The following FUBP3 variants were observed in gnomAD, a reference collection of about 807,000 sequenced individuals.
FUBP3 encodes the protein far upstream element-binding protein 3.
Under a neutral mutation model 85.6 loss-of-function variants are expected in FUBP3, and 28 were observed. The observed-to-expected ratio is 0.33, with a 90% CI of 0.24 to 0.45. FUBP3 has a LOEUF of 0.45. FUBP3 is among the 20% of genes least tolerant of loss of function. FUBP3 has a pLI of 1.00. For synonymous variants in FUBP3, 271 were observed against 271.4 expected (o/e 1.00, Z 0.01); for missense variants, 583 against 755.1 (o/e 0.77, Z 2.67).
At chr9:130,600,565 G>A (rs985142646) in intron 2 of FUBP3, among the ~76,000 whole-genome samples, 3 of 151,894 alleles carry the variant, frequency 2.0e-5, no homozygotes, top group Non-Finnish European at 1.5e-5. Flanking sequence ...GGGCAGTCAT[G>A]GTTCACTGCA....
Position 130,579,649 on chromosome 9 carries a change from CGGCGGCGGCGGCGACGGCGGCGGG to C in FUBP3, c.-26_-3del, listed in dbSNP as rs765863913. 5 of 1,186,186 alleles carry C rather than the reference CGGCGGCGGCGGCGACGGCGGCGGG, an allele frequency of 4.2e-6. No homozygotes were observed. The highest frequency in any genetic ancestry group is 3.2e-5 in the East Asian group (1 of 31,256). The allele number at this position is 1,186,186 out of a possible 1,614,324, so 73.5% of individuals were successfully genotyped here. A position where few individuals can be genotyped will look rare whatever the true frequency, so the allele number is the denominator to read the frequency against. ...AGCCGAGCGGCGGCGTCGGCGGCGT[CGGCGGCGGCGGCGACGGCGGCGGG>C]GGCGGTAATGGCGGAGCTGGTGCAG... On this transcript the variant is annotated 5_prime_UTR_variant, in exon 1 of 19. Coordinates refer to ENST00000319725, the MANE Select transcript of FUBP3 (RefSeq NM_003934.2).
intron 1 of FUBP3, among the ~76,000 whole-genome samples, chr9:130,591,769 G>C (rs889271376): frequency 6.6e-6 from 1 of 152,152 alleles, no homozygotes; most frequent in African/African-American, 2.4e-5. Flanking sequence ...AACCTGAAAG[G>C]CTCAGTCACA....
chr9:130,623,521 G>A (rs1027181685), intron 10 of FUBP3, 90 bp from the exon 11 acceptor site: 4 of 860,432 alleles, frequency 4.6e-6, no homozygotes, highest in Middle Eastern at 2.2e-4. Context: ...TGGCACCGCG[G>A]GTGAGAATAT....
At position 130,631,974 on chromosome 9, in the gene FUBP3, C is replaced by G; in HGVS notation, c.1385C>G (p.Pro462Arg). ...TFPPRSSGCF[P>R]NMAAKVNGNP... is the part of the protein sequence containing the mutation. ...CCTCCAAGGAGCTCCGGGTGCTTCC[C>G]AAACATGGCTGCCAAGGTGAATGGG... Residue 462 changes from proline to arginine, a missense_variant, in exon 15 of 19, where the codon CCA becomes CGA. Around this residue, in one of 3 missense-constraint regions of FUBP3, gnomAD observed 404 missense variants for 516.8 expected, o/e 0.78. Coordinates refer to ENST00000319725, the MANE Select transcript of FUBP3 (RefSeq NM_003934.2). 1 of 1,613,744 alleles carries G rather than the reference C, an allele frequency of 6.2e-7. No individual in the cohort carries two copies. The highest frequency in any genetic ancestry group is 8.5e-7 in the Non-Finnish European group (1 of 1,179,594).
chr9:130,579,693 G>T lies in FUBP3; in HGVS notation c.13G>T (p.Val5Leu). ...GGCGGGGGCGGTAATGGCGGAGCTG[G>T]TGCAGGGGCAGAGCGCTCCTGTGGG... MAEL[V>L]QGQSAPVGMK... Residue 5 changes from valine (V) to leucine (L), a missense_variant, in exon 1 of 19, where the codon GTG becomes TTG. Coordinates refer to ENST00000319725, the MANE Select transcript of FUBP3 (RefSeq NM_003934.2). 1 of 1,260,724 alleles carries T rather than the reference G, an allele frequency of 7.9e-7. No homozygotes were observed. The allele number at this position is 1,260,724 out of a possible 1,614,324, so 78.1% of individuals were successfully genotyped here.
At chr9:130,608,482 A>G (rs1043146815) in intron 2 of FUBP3, among the ~76,000 whole-genome samples, 3 of 152,196 alleles carry the variant, frequency 2.0e-5, no homozygotes, top group African/African-American at 7.2e-5. Context: ...GGAATGTCTC[A>G]GCCCCAACAT....
At chr9:130,592,900 TAG>T (rs2119021001) in intron 1 of FUBP3, among the ~76,000 whole-genome samples, 1 of 152,280 alleles carries the variant, frequency 6.6e-6, no homozygotes, top group South Asian at 2.1e-4. Context: ...AGACTTGCAG[TAG>T]CTGCCCATCA....
At position 130,635,106 on chromosome 9, in the gene FUBP3, C is replaced by CCGG. The variant is rs1470910430; in HGVS notation, c.1582+369_1582+370insGGC. 6.6e-6 allele frequency among the ~76,000 whole-genome samples: 1 copy of CCGG among 152,126 alleles called. No homozygotes were observed. The highest frequency in any genetic ancestry group is 6.5e-5 in the Admixed American group (1 of 15,284). ...GCCACCTGGCCGGCAAACAGACCAA[C>CCGG]CAGACATCTTGTTCTCTGTCTTGGT... On this transcript the variant is annotated intron_variant, in intron 17 of 18. Coordinates refer to ENST00000319725, the MANE Select transcript of FUBP3 (RefSeq NM_003934.2). This position sits in a 1 kb window ranked among gnomAD's most constrained non-coding sequence, Gnocchi z 4.3.
At chr9:130,583,063 A>C (rs1159747285) in intron 1 of FUBP3, among the ~76,000 whole-genome samples, 2 of 152,218 alleles carry the variant, frequency 1.3e-5, no homozygotes, top group African/African-American at 4.8e-5. Flanking sequence ...TGCTTCATAG[A>C]GTTCGTTCGG....
At position 130,630,753 on chromosome 9, in the gene FUBP3, G is replaced by T; in HGVS notation, c.1243G>T (p.Glu415Ter). Residue 415 changes from glutamate to a stop codon, truncating the protein, a stop_gained, in exon 13 of 19, where the codon GAG becomes TAG. Transcript: ENST00000319725. LOFTEE classifies it high-confidence loss of function. Reference protein sequence around the residue: ...FTIRGVPQQIEVARQLIDEKV... With the variant: ...FTIRGVPQQI Reference sequence around the variant, plus strand: ...CATCAGGGGGGTTCCCCAGCAGATCGAGGTGGCCAGGCAGCTCATAGATGA... The same window carrying T: ...CATCAGGGGGGTTCCCCAGCAGATCTAGGTGGCCAGGCAGCTCATAGATGA... 6.5e-7 allele frequency: 1 copy of T among 1,549,800 alleles called. No individual in the cohort carries two copies. The highest frequency in any genetic ancestry group is 8.7e-7 in the Non-Finnish European group (1 of 1,149,638).
At chr9:130,623,450 C>T (rs925766193) in intron 10 of FUBP3, among the ~76,000 whole-genome samples, 161 bp from the exon 11 acceptor site, 2 of 152,178 alleles carry the variant, frequency 1.3e-5, no homozygotes, top group Non-Finnish European at 1.5e-5. Context: ...CACACATTTT[C>T]CTATCACCCA....
intron 17 of FUBP3, 70 bp downstream of exon 17, chr9:130,634,808 C>A: frequency 2.5e-6 from 3 of 1,193,592 alleles, no homozygotes; most frequent in Non-Finnish European, 2.5e-6. Flanking sequence ...GAGTCCAAGG[C>A]TCACTGTCAC....
chr9:130,611,044 C>T (rs1831717261), intron 3 of FUBP3, among the ~76,000 whole-genome samples: 1 of 152,138 alleles, frequency 6.6e-6, no homozygotes, highest in Admixed American at 6.6e-5. Context: ...TCCTGGAAAC[C>T]CAGAGCAGTT....
In FUBP3 at chr9:130,601,092, T is replaced by G. The variant is rs561755613; in HGVS notation, c.190+5504T>G. 9.2e-5 allele frequency among the ~76,000 whole-genome samples: 14 copies of G among 152,344 alleles called. No individual in the cohort carries two copies. In the South Asian group the frequency reaches 2.9e-3, roughly 32 times the overall value. On this transcript the variant is annotated intron_variant, in intron 2 of 18. Coordinates refer to ENST00000319725, the MANE Select transcript of FUBP3 (RefSeq NM_003934.2). The stretch of plus-strand genomic sequence containing the variant: ...AGAGCATGGCTGTGAGCCAATAAGA[T>G]ATTTCACCGAAACAGGCAGCTGGCC...
At chr9:130,601,827 A>G (rs187688238) in intron 2 of FUBP3, among the ~76,000 whole-genome samples, 2,535 of 90,184 alleles carry the variant, frequency 0.028, 73 homozygotes, top group African/African-American at 0.12. Context: ...TTTGAGATGG[A>G]GTCTTGCTCT....
At chr9:130,588,543 G>A (rs1312815942) in intron 1 of FUBP3, among the ~76,000 whole-genome samples, 1 of 152,164 alleles carries the variant, frequency 6.6e-6, no homozygotes, top group Non-Finnish European at 1.5e-5. Flanking sequence ...AAAATAGCAA[G>A]CATTTCTGGT....
chr9:130,631,831 G>T lies in FUBP3; in HGVS notation c.1353-111G>T, dbSNP rs906181392. ...GCGATGGGGTGGGAGCCTCTCAGAGGGCAGAGGGTCTTCTGTCCCGACTGC... is the reference window on the plus strand; with the variant it reads ...GCGATGGGGTGGGAGCCTCTCAGAGTGCAGAGGGTCTTCTGTCCCGACTGC... On this transcript the variant is annotated intron_variant, in intron 14 of 18. Transcript: ENST00000319725. 64 of 888,062 alleles carry T rather than the reference G, an allele frequency of 7.2e-5. No individual in the cohort carries two copies. In the African/African-American group the frequency reaches 7.4e-4, roughly 10 times the overall value. The allele number at this position is 888,062 out of a possible 1,614,324, so 55.0% of individuals were successfully genotyped here.
Position 130,612,898 on chromosome 9 carries a change from C to T in FUBP3, c.275-58C>T, listed in dbSNP as rs1158322572. On this transcript the variant is annotated intron_variant, in intron 4 of 18. Coordinates refer to ENST00000319725, the MANE Select transcript of FUBP3 (RefSeq NM_003934.2). The surrounding 1 kb of genome is among the most constrained non-coding windows in gnomAD (Gnocchi z 4.1). ...GTTTGTGGAATTAATTCAGTCATTCCTGCGTGGTGAAATATGGAATAGGGG... is the reference window on the plus strand; with the variant it reads ...GTTTGTGGAATTAATTCAGTCATTCTTGCGTGGTGAAATATGGAATAGGGG... 6 of 1,131,398 alleles carry T rather than the reference C, an allele frequency of 5.3e-6. No homozygotes were observed. Among genetic ancestry groups the T allele is most frequent in the Non-Finnish European group, 8.1e-6 (6 of 743,352 alleles). The allele number at this position is 1,131,398 out of a possible 1,614,324, so 70.1% of individuals were successfully genotyped here. A position where few individuals can be genotyped will look rare whatever the true frequency, so the allele number is the denominator to read the frequency against.
intron 1 of FUBP3, 105 bp downstream of exon 1, chr9:130,579,869 G>C (rs1830056357): frequency 1.5e-6 from 1 of 665,840 alleles, no homozygotes; most frequent in Non-Finnish European, 2.1e-6. Context: ...CTGAACCGAC[G>C]TCTCAGCCGG....
Sources: allele counts gnomAD v4.1 joint callset (sites outside exome capture counted in the v4.1 genomes callset), GRCh38; gene constraint gnomAD v4.1.1; regional missense constraint gnomAD v4.1.1; non-coding constraint Gnocchi (gnomAD v3.1); transcripts MANE v1.5; gene names NCBI Gene and HGNC (gene_info 2026-07-23, HGNC 2026-07-21).